Variants in ABCB7 observed in about 807,000 individuals in gnomAD.
The protein encoded by ABCB7 is ATP binding cassette subfamily B member 7.
ABCB7 carries 7 observed loss-of-function variants against 54.4 expected under a neutral mutation model. The ratio of observed to expected loss-of-function variants is 0.13; its 90% confidence interval spans 0.07 to 0.24. The LOEUF (loss-of-function observed/expected upper bound fraction) is 0.24, where lower values mean the gene tolerates loss of function less well. ABCB7 is among the 10% of genes least tolerant of loss of function. ABCB7 has a pLI of 1.00. For synonymous variants in ABCB7, 218 were observed against 207.1 expected (o/e 1.05, Z -0.45); for missense variants, 356 against 570.4 (o/e 0.62, Z 3.83).
chrX:75,063,947 G>A (rs1350921340), intron 13 of ABCB7, among the ~76,000 whole-genome samples: 2 of 111,187 alleles, frequency 1.8e-5, no homozygotes, highest in African/African-American at 6.5e-5. Flanking sequence ...GCATTAAGAG[G>A]GCTAGTTCAT....
intron 3 of ABCB7, among the ~76,000 whole-genome samples, chrX:75,106,970 T>C (rs746834068): frequency 9.1e-5 from 10 of 110,344 alleles, no homozygotes; most frequent in South Asian, 7.9e-4. Context: ...ACTGAAGAGA[T>C]AGAAAAAACA....
chrX:75,072,243 A>C (rs1206463482), intron 8 of ABCB7, among the ~76,000 whole-genome samples: 1 of 112,081 alleles, frequency 8.9e-6, no homozygotes, highest in Non-Finnish European at 1.9e-5. Flanking sequence ...GAAGAGAGTC[A>C]AGAATTTATA....
At chrX:75,117,633 A>G (rs2081834659) in intron 1 of ABCB7, among the ~76,000 whole-genome samples, 1 of 110,826 alleles carries the variant, frequency 9.0e-6, no homozygotes, top group Admixed American at 9.6e-5. Flanking sequence ...GTTAACTGCT[A>G]CTCTATTTGG....
chrX:75,062,273 C>T (rs2081287075), intron 14 of ABCB7, 55 bp downstream of exon 14: 1 of 1,065,253 alleles, frequency 9.4e-7, no homozygotes, highest in Non-Finnish European at 1.3e-6. Context: ...TTTACTGAAA[C>T]TTCCAAGTAG....
At chrX:75,084,789 A>G (rs1057505432) in intron 4 of ABCB7, among the ~76,000 whole-genome samples, 2 of 112,181 alleles carry the variant, frequency 1.8e-5, no homozygotes, top group Non-Finnish European at 3.8e-5. Flanking sequence ...GAGGAAAAAC[A>G]TACAGCCCAA....
At chrX:75,146,268 C>T (rs1395663407) in intron 1 of ABCB7, among the ~76,000 whole-genome samples, 1 of 112,121 alleles carries the variant, frequency 8.9e-6, no homozygotes, top group African/African-American at 3.2e-5. Flanking sequence ...AATGCTACTC[C>T]TATTAAATGT....
rs770843428 is a variant in ABCB7 at position 75,076,580 on chromosome X, C to T, written c.528G>A (p.Leu176=). 3 of 1,209,336 alleles carry T rather than the reference C, an allele frequency of 2.5e-6. No individual in the cohort carries two copies. The African/African-American group carries it at 5.2e-5, about 21-fold the overall frequency. The change falls in exon 5 of 16, where the codon CTG becomes CTA. Residue 176 remains leucine, a synonymous_variant. Coordinates refer to ENST00000373394, the MANE Select transcript of ABCB7 (RefSeq NM_001271696.3). ...CTGTATTTGGTGCATCACTCAGGTTCAGCATGTTTCCCGACATCTGGTTGA... is the reference window on the plus strand; with the variant it reads ...CTGTATTTGGTGCATCACTCAGGTTTAGCATGTTTCCCGACATCTGGTTGA... ...DSLNQMSGNM[L]NLSDAPNTVA...
chrX:75,128,707 C>T (rs1042645636), intron 1 of ABCB7, among the ~76,000 whole-genome samples: 1 of 111,813 alleles, frequency 8.9e-6, no homozygotes, highest in African/African-American at 3.3e-5. Context: ...TGACAAAGGG[C>T]TAATATCCAG....
chrX:75,128,508 C>T (rs1398022197), intron 1 of ABCB7, among the ~76,000 whole-genome samples: 4 of 111,650 alleles, frequency 3.6e-5, no homozygotes, highest in African/African-American at 1.3e-4. Context: ...ACAAGAAAAC[C>T]TAGGCAATAC....
intron 1 of ABCB7, among the ~76,000 whole-genome samples, chrX:75,124,780 T>C (rs2081910602): frequency 8.9e-6 from 1 of 111,834 alleles, no homozygotes; most frequent in African/African-American, 3.2e-5. Flanking sequence ...ACTTCTAATA[T>C]TCCTAACCCT....
intron 3 of ABCB7, among the ~76,000 whole-genome samples, chrX:75,104,242 T>C (rs1227261471): frequency 9.4e-6 from 1 of 106,054 alleles, no homozygotes; most frequent in Non-Finnish European, 1.9e-5. Flanking sequence ...CCTGTGTCTA[T>C]TGACAAATAA....
At chrX:75,139,932 C>T (rs1027388593) in intron 1 of ABCB7, among the ~76,000 whole-genome samples, 13 of 111,667 alleles carry the variant, frequency 1.2e-4, no homozygotes, top group African/African-American at 4.2e-4. Flanking sequence ...ATCAACTGTA[C>T]ATACACATAT....
At chrX:75,154,397 C>G (rs184295447) in intron 1 of ABCB7, among the ~76,000 whole-genome samples, 2 of 112,200 alleles carry the variant, frequency 1.8e-5, no homozygotes, top group Non-Finnish European at 3.8e-5. Context: ...ATAACATTTA[C>G]AAATTTTATC....
At chrX:75,096,839 A>G (rs1480763258) in intron 4 of ABCB7, among the ~76,000 whole-genome samples, 1 of 107,976 alleles carries the variant, frequency 9.3e-6, no homozygotes, top group Non-Finnish European at 1.9e-5. Context: ...TGTTGACTCT[A>G]TCTCCCCTAC....
At chrX:75,069,589 C>A in intron 10 of ABCB7, 135 bp from the exon 11 acceptor site, 1 of 624,390 alleles carries the variant, frequency 1.6e-6, no homozygotes, top group Non-Finnish European at 2.5e-6. Flanking sequence ...TAGACCACTT[C>A]CAAGCATGCA....
At chrX:75,131,866 G>A (rs1334201362) in intron 1 of ABCB7, among the ~76,000 whole-genome samples, 2 of 111,519 alleles carry the variant, frequency 1.8e-5, no homozygotes, top group Non-Finnish European at 3.8e-5. Context: ...AAATCCCAGA[G>A]TCAACCCATA....
intron 10 of ABCB7, 82 bp from the exon 11 acceptor site, chrX:75,069,536 G>C: frequency 2.0e-6 from 2 of 1,011,537 alleles, no homozygotes; most frequent in South Asian, 4.0e-5. Flanking sequence ...TTCACAGAAA[G>C]AAAAAGGATA....
chrX:75,085,999 A>C (rs1432201908), intron 4 of ABCB7, among the ~76,000 whole-genome samples: 1 of 109,223 alleles, frequency 9.2e-6, no homozygotes, highest in Non-Finnish European at 1.9e-5. Flanking sequence ...GGCACGAACC[A>C]CCACGCCCAG....
chrX:75,104,047 GTTTTTTTTTTTTTTTTTTTTTTTT>G (rs757074347), intron 3 of ABCB7, among the ~76,000 whole-genome samples: 9 of 13,446 alleles, frequency 6.7e-4, no homozygotes, highest in South Asian at 9.3e-3. Flanking sequence ...TCTTGTTACA[GTTTTTTTTTTTTTTTTTTTTTTTT>G]TTTTTTTTTT....
Sources: gnomAD v4.1 joint callset for allele counts (sites outside exome capture counted in the v4.1 genomes callset) on GRCh38, gnomAD v4.1.1 for gene constraint, MANE v1.5 for transcripts, NCBI Gene and HGNC (gene_info 2026-07-23, HGNC 2026-07-21) for gene names.